The following NGDN variants were observed in gnomAD, a reference collection of about 807,000 sequenced individuals.
NGDN encodes the protein EIF4E-binding protein.
A neutral mutation model predicts 45.2 loss-of-function variants in NGDN; 41 were observed. The ratio of observed to expected loss-of-function variants is 0.91; its 90% CI spans 0.71 to 1.18. The LOEUF (loss-of-function observed/expected upper bound fraction) is 1.18. Among genes scored for constraint, NGDN ranks in the 50% most tolerant of loss-of-function variants. The pLI, the probability that NGDN is intolerant of heterozygous loss-of-function variation, is 0.00. For missense variants in NGDN, 402 were observed against 399.9 expected, an observed-to-expected ratio of 1.01 and a Z score of -0.05; for synonymous variants, 137 against 130.9, an observed-to-expected ratio of 1.05 and a Z score of -0.32.
chr14:23,472,202 AAAG>A (rs1368317302), intron 3 of NGDN, among the ~76,000 whole-genome samples: 4 of 151,408 alleles, frequency 2.6e-5, no homozygotes, highest in Admixed American at 2.0e-4. Flanking sequence ...AAAAAAAAAA[AAAG>A]GCCAGGCTAA....
chr14:23,471,166 A>T, intron 3 of NGDN, 189 bp downstream of exon 3: 1 of 414,970 alleles, frequency 2.4e-6, no homozygotes, highest in Non-Finnish European at 4.3e-6. Flanking sequence ...AGTAGCAGTC[A>T]CATTACAGAG....
At chr14:23,469,901 G>A in intron 1 of NGDN, 141 bp from the exon 2 acceptor site, 1 of 1,238,512 alleles carries the variant, frequency 8.1e-7, no homozygotes, top group African/African-American at 1.5e-5. Flanking sequence ...TGGCTTTAAG[G>A]CGAGTCTGTG....
intron 3 of NGDN, among the ~76,000 whole-genome samples, chr14:23,473,462 T>C (rs1428063302): frequency 2.0e-5 from 3 of 152,244 alleles, no homozygotes; most frequent in Non-Finnish European, 4.4e-5. Flanking sequence ...TACAAAGTTC[T>C]TTCACATTAT....
At chr14:23,472,700 G>A (rs534480661) in intron 3 of NGDN, among the ~76,000 whole-genome samples, 15 of 152,050 alleles carry the variant, frequency 9.9e-5, no homozygotes, top group Non-Finnish European at 1.5e-4. Flanking sequence ...ATATTCTATG[G>A]GTAAATACAA....
In NGDN at chr14:23,477,283, G is replaced by T; in HGVS notation, c.797G>T (p.Ser266Ile). 1 of 1,614,212 alleles carries T rather than the reference G, an allele frequency of 6.2e-7. No homozygotes were observed. Among genetic ancestry groups the T allele is most frequent in the Non-Finnish European group, 8.5e-7 (1 of 1,180,030 alleles). ...CGGCGAAAACGAGCAAATGTCATGA[G>T]CTCACAACTTCATTCCCTTACACAC... ...KGRRKRANVM[S>I]SQLHSLTHFS... The change falls in exon 9 of 11, where the codon AGC (serine) becomes ATC (isoleucine). Residue 266 changes from serine (S) to isoleucine (I), a missense_variant. Coordinates refer to ENST00000408901, the MANE Select transcript of NGDN (RefSeq NM_001042635.2).
intron 3 of NGDN, among the ~76,000 whole-genome samples, chr14:23,473,208 A>G (rs1191284242): frequency 1.3e-5 from 2 of 152,100 alleles, no homozygotes. Context: ...CATGTTAGCC[A>G]GGCTGGTCTC....
Position 23,477,229 on chromosome 14 carries a change from G to GTT in NGDN, c.745_746dup (p.Leu249PhefsTer2). ...AACTATGAGGAGAGCATGATGGTGC[G>GTT]TTTGAGCGTCAGTAAGCGAGAGAAA... is the stretch of plus-strand genomic sequence containing the variant. On this transcript the variant is annotated frameshift_variant, in exon 9 of 11. Transcript: ENST00000408901. LOFTEE classifies it high-confidence loss of function. 1 of 1,614,168 alleles carries GTT rather than the reference G, an allele frequency of 6.2e-7. No individual in the cohort carries two copies. The highest frequency in any genetic ancestry group is 8.5e-7 in the Non-Finnish European group (1 of 1,180,006).
In NGDN at chr14:23,470,063, C is replaced by T; in HGVS notation, c.34C>T (p.Pro12Ser). The T allele has an allele frequency of 6.2e-7, 1 of 1,613,998 alleles. No individual in the cohort carries two copies. The highest frequency in any genetic ancestry group is 8.5e-7 in the Non-Finnish European group (1 of 1,179,938). Residue 12 changes from proline (P) to serine (S), a missense_variant, in exon 2 of 11, where the codon CCA (proline) becomes TCA (serine). Coordinates refer to ENST00000408901, the MANE Select transcript of NGDN (RefSeq NM_001042635.2). ...AALGVLESDL[P>S]SAVTLLKNLQ... is the part of the protein sequence containing the mutation. The stretch of plus-strand genomic sequence containing the variant: ...GTAGGGGGTGCTGGAGTCCGACCTG[C>T]CAAGTGCCGTGACACTTCTGAAAAA...
chr14:23,475,514 A>G, intron 4 of NGDN, 44 bp from the exon 5 acceptor site: 1 of 1,593,564 alleles, frequency 6.3e-7, no homozygotes, highest in Non-Finnish European at 8.6e-7. Context: ...TGTGTGCTTC[A>G]TTTTGGGAAG....
chr14:23,477,970 T>C (rs1893943187), intron 10 of NGDN, 37 bp from the exon 11 acceptor site: 1 of 1,614,084 alleles, frequency 6.2e-7, no homozygotes, highest in Non-Finnish European at 8.5e-7. Context: ...CTTTTCCAAC[T>C]GTCCTTTGCC....
At position 23,476,024 on chromosome 14, in the gene NGDN, T is replaced by C. The variant is rs766686569; in HGVS notation, c.421-5T>C. The stretch of plus-strand genomic sequence containing the variant: ...CTAAATTTGCAGACATTGTTTCTTT[T>C]GTAGTTGAGCTCTGAGGATGAGGAG... On this transcript the variant is annotated splice_region_variant and splice_polypyrimidine_tract_variant and intron_variant, in intron 6 of 10. Transcript: ENST00000408901. 10 of 1,614,058 alleles carry C rather than the reference T, an allele frequency of 6.2e-6. No homozygotes were observed. In the Admixed American group the frequency reaches 1.3e-4, roughly 22 times the overall value.
At position 23,476,335 on chromosome 14, in the gene NGDN, CAG is replaced by C; in HGVS notation, c.643_644del (p.Asp215CysfsTer7). 6.2e-7 allele frequency: 1 copy of C among 1,613,786 alleles called. No homozygotes were observed. Among genetic ancestry groups the C allele is most frequent in the Non-Finnish European group, 8.5e-7 (1 of 1,179,994 alleles). On this transcript the variant is annotated frameshift_variant, in exon 8 of 11. Coordinates refer to ENST00000408901, the MANE Select transcript of NGDN (RefSeq NM_001042635.2). LOFTEE classifies it high-confidence loss of function. Reference sequence around the variant, plus strand: ...ATTCGTGAACTTAAGGAGCAGTACTCAGATGCTCCAGAGGAAATCCGTGATGC... The same window carrying C: ...ATTCGTGAACTTAAGGAGCAGTACTCATGCTCCAGAGGAAATCCGTGATGC...
At chr14:23,472,302 C>A (rs748914498) in intron 3 of NGDN, among the ~76,000 whole-genome samples, 47 of 151,740 alleles carry the variant, frequency 3.1e-4, no homozygotes, top group Non-Finnish European at 5.9e-4. Context: ...TCGAGACCAG[C>A]CTGGTCAACA....
At chr14:23,476,764 G>GT (rs1447832559) in intron 8 of NGDN, among the ~76,000 whole-genome samples, 1 of 152,194 alleles carries the variant, frequency 6.6e-6, no homozygotes, top group Non-Finnish European at 1.5e-5. Context: ...ATAAAGGTAG[G>GT]TTTTTATAGT....
At chr14:23,474,116 A>G (rs1237937039) in intron 3 of NGDN, among the ~76,000 whole-genome samples, 1 of 151,966 alleles carries the variant, frequency 6.6e-6, no homozygotes, top group Non-Finnish European at 1.5e-5. Context: ...CACCTAATTC[A>G]GAACTTAAAC....
At chr14:23,469,784 C>A (rs1893729356) in intron 1 of NGDN, 57 bp downstream of exon 1, 3 of 1,608,334 alleles carry the variant, frequency 1.9e-6, no homozygotes, top group African/African-American at 2.7e-5. Flanking sequence ...CCTTTGCCTT[C>A]AGCGGCTGGA....
chr14:23,472,996 T>C (rs931857423), intron 3 of NGDN, among the ~76,000 whole-genome samples: 5 of 152,012 alleles, frequency 3.3e-5, no homozygotes, highest in Non-Finnish European at 7.4e-5. Flanking sequence ...TACCATGCTT[T>C]TTTGTTTTGT....
At chr14:23,471,645 C>G (rs1474167768) in intron 3 of NGDN, 1 of 151,596 alleles carries the variant, frequency 6.6e-6, no homozygotes. Context: ...ATAGTGAGAC[C>G]CTACAAAAGT....
Position 23,477,491 on chromosome 14 carries a change from A to G in NGDN, c.871-12A>G, listed in dbSNP as rs1893931229. 6 of 1,614,186 alleles carry G rather than the reference A, an allele frequency of 3.7e-6. No individual in the cohort carries two copies. The highest frequency in any genetic ancestry group is 1.6e-4 in the Middle Eastern group (1 of 6,062). Reference sequence around the variant, plus strand: ...CACAGTGCCATTCCATCACTTCTCCATCTGTCTCCAGGATCAGAATCCTAT... The same window carrying G: ...CACAGTGCCATTCCATCACTTCTCCGTCTGTCTCCAGGATCAGAATCCTAT... On this transcript the variant is annotated splice_polypyrimidine_tract_variant and intron_variant, in intron 9 of 10. Transcript: ENST00000408901.
Sources: gnomAD v4.1 joint callset for allele counts (sites outside exome capture counted in the v4.1 genomes callset) on GRCh38, gnomAD v4.1.1 for gene constraint, MANE v1.5 for transcripts, NCBI Gene and HGNC (gene_info 2026-07-23, HGNC 2026-07-21) for gene names.